The following MECOM variants were observed in gnomAD, a reference collection of about 807,000 sequenced individuals.
MECOM encodes the protein histone-lysine N-methyltransferase MECOM.
In MECOM, 13 loss-of-function variants were observed where a neutral mutation model predicts 116.3. That is an observed-to-expected ratio of 0.11 (90% CI 0.07 to 0.18). The LOEUF is 0.18. Among genes scored for constraint, MECOM ranks in the 10% least tolerant of loss-of-function variants. The pLI is 1.00. For missense variants in MECOM, 1,299 were observed against 1,509.0 expected, an observed-to-expected ratio of 0.86 and a Z score of 2.31; for synonymous variants, 528 against 535.2, an observed-to-expected ratio of 0.99 and a Z score of 0.19.
chr3:169,616,312 A>C (rs144917848), intron 1 of MECOM, among the ~76,000 whole-genome samples: 50 of 152,210 alleles, frequency 3.3e-4, no homozygotes, highest in African/African-American at 1.1e-3. Context: ...AAAGAAATGT[A>C]TTCCTTAGAG....
intron 2 of MECOM, among the ~76,000 whole-genome samples, chr3:169,340,280 T>C (rs1724279596): frequency 1.3e-5 from 2 of 152,204 alleles, no homozygotes; most frequent in Non-Finnish European, 2.9e-5. Context: ...GAGCCTTATC[T>C]ACGGGTTGCC....
intron 4 of MECOM, among the ~76,000 whole-genome samples, chr3:169,129,705 G>A (rs1338163303): frequency 6.6e-6 from 1 of 152,076 alleles, no homozygotes; most frequent in Non-Finnish European, 1.5e-5. Context: ...CCGAACACAA[G>A]CAGAATCTCT....
At chr3:169,275,177 T>C (rs1759429042) in intron 2 of MECOM, among the ~76,000 whole-genome samples, 1 of 152,154 alleles carries the variant, frequency 6.6e-6, no homozygotes. Flanking sequence ...ATGCTTACCA[T>C]AGGACCTGCT....
chr3:169,090,364 T>C (rs908310695), intron 14 of MECOM, 128 bp from the exon 15 acceptor site: 1 of 786,622 alleles, frequency 1.3e-6, no homozygotes, highest in Non-Finnish European at 2.0e-6. Context: ...TGTTTTATTG[T>C]TTATGCTCTA....
intron 1 of MECOM, among the ~76,000 whole-genome samples, chr3:169,502,778 G>C (rs769944596): frequency 6.6e-6 from 1 of 152,102 alleles, no homozygotes; most frequent in Non-Finnish European, 1.5e-5. Context: ...ATTTTGGATA[G>C]TTATAAGTAT....
rs1749669120 is a variant in MECOM at position 169,472,622 on chromosome 3, GAAAAGAAAAGA to G, written c.38-91109_38-91099del. ...GGAAAGGAAAGGAAAGGAAAGAAAAGAAAAGAAAAGAAAAGGAAAGGAAAGGAAAAGAAAAG... is the reference window on the plus strand; with the variant it reads ...GGAAAGGAAAGGAAAGGAAAGAAAAGAAAGGAAAGGAAAGGAAAAGAAAAG... On this transcript the variant is annotated intron_variant, in intron 1 of 16. Coordinates refer to ENST00000651503, the MANE Select transcript of MECOM (RefSeq NM_004991.4). Among the ~76,000 whole-genome samples, 158 of 65,762 alleles carry G rather than the reference GAAAAGAAAAGA, an allele frequency of 2.4e-3. 4 individuals are homozygous for G. The highest frequency in any genetic ancestry group is 0.015 in the African/African-American group (152 of 9,928). The allele number at this position is 65,762 out of a possible 152,430, so 43.1% of individuals were successfully genotyped here.
intron 1 of MECOM, among the ~76,000 whole-genome samples, chr3:169,562,139 C>CAAAAAAAAAAAAAAAAAAAAAAAGAA (rs1762717614): frequency 1.6e-4 from 4 of 25,282 alleles, no homozygotes; most frequent in African/African-American, 4.2e-4. Context: ...GAGCAATACT[C>CAAAAAAAAAAAAAAAAAAAAAAAGAA]AAAAAAAAAA....
At chr3:169,173,823 G>A (rs1016638115) in intron 2 of MECOM, among the ~76,000 whole-genome samples, 8 of 152,134 alleles carry the variant, frequency 5.3e-5, no homozygotes, top group Admixed American at 5.2e-4. Flanking sequence ...CTACACTGAC[G>A]GGCTGAAGGC....
intron 2 of MECOM, among the ~76,000 whole-genome samples, chr3:169,366,701 G>A (rs1729221923): frequency 6.6e-6 from 1 of 151,906 alleles, no homozygotes; most frequent in Middle Eastern, 3.4e-3. Flanking sequence ...TCTAAACAAC[G>A]AAAAAAGAAA....
At chr3:169,371,131 A>C (rs1730030601) in intron 2 of MECOM, among the ~76,000 whole-genome samples, 1 of 152,032 alleles carries the variant, frequency 6.6e-6, no homozygotes, top group Non-Finnish European at 1.5e-5. Flanking sequence ...GCGAAGGATG[A>C]ATCATTTTAA....
At chr3:169,167,240 T>C (rs9809961) in intron 2 of MECOM, among the ~76,000 whole-genome samples, 37,298 of 152,094 alleles carry the variant, frequency 0.25, 6,110 homozygotes, top group African/African-American at 0.46. Flanking sequence ...TCTGCATCTA[T>C]TTGTTTCTCA....
intron 2 of MECOM, among the ~76,000 whole-genome samples, chr3:169,256,870 A>C (rs1476102258): frequency 1.3e-5 from 2 of 152,216 alleles, no homozygotes; most frequent in African/African-American, 2.4e-5. Flanking sequence ...CCAGGGTCCC[A>C]GTCATTGTAG....
chr3:169,454,477 G>A (rs779935589), intron 1 of MECOM, among the ~76,000 whole-genome samples: 1 of 148,186 alleles, frequency 6.7e-6, no homozygotes, highest in Non-Finnish European at 1.5e-5. Context: ...AGAATCAAAA[G>A]TACAGTGTTT....
At chr3:169,374,915 T>C (rs763462988) in intron 2 of MECOM, among the ~76,000 whole-genome samples, 30 of 151,938 alleles carry the variant, frequency 2.0e-4, no homozygotes, top group Non-Finnish European at 4.4e-5. Context: ...TACACATCTG[T>C]AGTCCTAGCT....
chr3:169,520,733 C>A (rs1056257165), intron 1 of MECOM, among the ~76,000 whole-genome samples: 4 of 151,870 alleles, frequency 2.6e-5, no homozygotes, highest in Non-Finnish European at 5.9e-5. Context: ...ATTGTGTTAC[C>A]CTATTTTCTA....
intron 2 of MECOM, among the ~76,000 whole-genome samples, chr3:169,340,047 C>T (rs2149789045): frequency 6.6e-6 from 1 of 152,248 alleles, no homozygotes; most frequent in Middle Eastern, 3.4e-3. Flanking sequence ...GTAAACACTG[C>T]CAGTGAATTT....
chr3:169,254,832 C>T (rs1756666788), intron 2 of MECOM, among the ~76,000 whole-genome samples: 1 of 151,944 alleles, frequency 6.6e-6, no homozygotes. Flanking sequence ...GAGAACTAAT[C>T]AATGGTACAA....
chr3:169,118,890 G>T (rs549899443), intron 7 of MECOM, among the ~76,000 whole-genome samples: 30 of 152,294 alleles, frequency 2.0e-4, no homozygotes, highest in African/African-American at 6.7e-4. Flanking sequence ...GCACTTGAAG[G>T]CCTGGCCTGG....
At chr3:169,494,011 A>G (rs1028099909) in intron 1 of MECOM, among the ~76,000 whole-genome samples, 1 of 152,128 alleles carries the variant, frequency 6.6e-6, no homozygotes, top group Non-Finnish European at 1.5e-5. Flanking sequence ...ATCATCTTTG[A>G]TGGTTGGTGT....
Sources: allele counts gnomAD v4.1 joint callset (sites outside exome capture counted in the v4.1 genomes callset), GRCh38; gene constraint gnomAD v4.1.1; transcripts MANE v1.5; gene names NCBI Gene and HGNC (gene_info 2026-07-23, HGNC 2026-07-21).